RTN1: variants seen among roughly 807,000 people sequenced by gnomAD.
RTN1 encodes reticulon-1.
Under a neutral mutation model 65.5 loss-of-function variants are expected in RTN1, and 25 were observed. That is an observed-to-expected ratio of 0.38 (90% confidence interval 0.28 to 0.53). The LOEUF is 0.53. RTN1 is among the 20% of genes least tolerant of loss of function. The pLI is 0.79. For missense variants in RTN1, 983 were observed against 1,025.4 expected, an observed-to-expected ratio of 0.96 and a Z score of 0.57; for synonymous variants, 471 against 447.6, an observed-to-expected ratio of 1.05 and a Z score of -0.66.
chr14:59,762,747 T>C (rs1270862121), intron 1 of RTN1, among the ~76,000 whole-genome samples: 1 of 152,204 alleles, frequency 6.6e-6, no homozygotes, highest in Non-Finnish European at 1.5e-5. Context: ...TGTTAAGGGA[T>C]TGTGTCAAGA....
chr14:59,747,330 C>A (rs1885248295), intron 1 of RTN1, among the ~76,000 whole-genome samples: 1 of 152,240 alleles, frequency 6.6e-6, no homozygotes, highest in Non-Finnish European at 1.5e-5. Flanking sequence ...TGGGCATAGG[C>A]CAGGTGCAGT....
intron 1 of RTN1, among the ~76,000 whole-genome samples, chr14:59,838,524 C>T (rs533591137): frequency 1.2e-3 from 184 of 152,112 alleles, no homozygotes; most frequent in African/African-American, 4.3e-3. Context: ...GAATACTAGG[C>T]AGACTTTAAA....
intron 1 of RTN1, among the ~76,000 whole-genome samples, chr14:59,831,505 T>C (rs2139641582): frequency 6.6e-6 from 1 of 152,242 alleles, no homozygotes; most frequent in African/African-American, 2.4e-5. Context: ...GGTCTTCAGG[T>C]TTTGCCGACT....
chr14:59,699,138 G>C (rs1884126246), intron 3 of RTN1, among the ~76,000 whole-genome samples: 1 of 152,080 alleles, frequency 6.6e-6, no homozygotes, highest in South Asian at 2.1e-4. Flanking sequence ...TATCATCATG[G>C]TTAATATGAA....
At chr14:59,667,197 G>A (rs1414659710) in intron 3 of RTN1, among the ~76,000 whole-genome samples, 1 of 152,110 alleles carries the variant, frequency 6.6e-6, no homozygotes, top group Non-Finnish European at 1.5e-5. Context: ...GAACATCAAT[G>A]TGAAAATCCT....
intron 1 of RTN1, among the ~76,000 whole-genome samples, chr14:59,811,779 C>A (rs2139613787): frequency 1.3e-5 from 2 of 152,302 alleles, no homozygotes; most frequent in East Asian, 3.9e-4. Context: ...TTGCTAGTAT[C>A]TGTTTTAGTG....
intron 1 of RTN1, among the ~76,000 whole-genome samples, chr14:59,830,143 T>C (rs1181487389): frequency 6.6e-6 from 1 of 152,206 alleles, no homozygotes; most frequent in Non-Finnish European, 1.5e-5. Context: ...AGCAGCACCC[T>C]GCTGTTACAA....
At chr14:59,705,200 G>A (rs939334243) in intron 3 of RTN1, among the ~76,000 whole-genome samples, 4 of 152,210 alleles carry the variant, frequency 2.6e-5, no homozygotes, top group Middle Eastern at 3.4e-3. Flanking sequence ...ACAAGCACAC[G>A]GAAGTCTATG....
intron 3 of RTN1, among the ~76,000 whole-genome samples, chr14:59,664,173 T>C (rs1883312318): frequency 6.6e-6 from 1 of 152,196 alleles, no homozygotes; most frequent in South Asian, 2.1e-4. Context: ...TGCAGGGACA[T>C]GGATGAAGCT....
chr14:59,780,647 CT>C (rs139018684), intron 1 of RTN1, among the ~76,000 whole-genome samples: 3,409 of 151,954 alleles, frequency 0.022, 139 homozygotes, highest in African/African-American at 0.078. Context: ...TTTTGTTTTT[CT>C]TTTTTTTCCA....
intron 3 of RTN1, among the ~76,000 whole-genome samples, chr14:59,615,436 T>C (rs1318632674): frequency 1.3e-5 from 2 of 151,504 alleles, no homozygotes; most frequent in African/African-American, 4.9e-5. Flanking sequence ...ACAACAAGAG[T>C]GAAACTCCAT....
At chr14:59,811,963 G>T (rs568241543) in intron 1 of RTN1, among the ~76,000 whole-genome samples, 1 of 152,256 alleles carries the variant, frequency 6.6e-6, no homozygotes. Flanking sequence ...TAGGAAGGAG[G>T]AAAGGAGGGA....
intron 3 of RTN1, among the ~76,000 whole-genome samples, chr14:59,665,009 C>G (rs1883336823): frequency 6.6e-6 from 1 of 152,116 alleles, no homozygotes; most frequent in Non-Finnish European, 1.5e-5. Context: ...AGTGTTGCCA[C>G]TGCTTATGAC....
intron 1 of RTN1, among the ~76,000 whole-genome samples, chr14:59,853,570 C>T (rs1247300071): frequency 6.6e-6 from 1 of 152,172 alleles, no homozygotes; most frequent in East Asian, 1.9e-4. Flanking sequence ...GCACCCAGAA[C>T]TCTGCCCAGA....
rs188990049 is a variant in RTN1, at chr14:59,613,163, A to G, written c.1766-5671T>C. Among the ~76,000 whole-genome samples, 27 of 152,362 alleles carry G rather than the reference A, an allele frequency of 1.8e-4. No homozygotes were observed. In the East Asian group the frequency reaches 5.2e-3, roughly 29 times the overall value. On this transcript the variant is annotated intron_variant, in intron 3 of 8. Transcript: ENST00000267484. Reference sequence around the variant, plus strand: ...GCACCTAGGAGGTTACCTTTGGTAAAGTTCAGAAAGTAAAAATATTGGCCA... The same window carrying G: ...GCACCTAGGAGGTTACCTTTGGTAAGGTTCAGAAAGTAAAAATATTGGCCA...
intron 3 of RTN1, among the ~76,000 whole-genome samples, chr14:59,688,420 C>T (rs1883891742): frequency 1.3e-5 from 2 of 152,216 alleles, no homozygotes; most frequent in Admixed American, 1.3e-4. Context: ...GGTGCTCGTG[C>T]ATGCCATCAG....
At chr14:59,812,618 G>A (rs1007411862) in intron 1 of RTN1, among the ~76,000 whole-genome samples, 1 of 152,152 alleles carries the variant, frequency 6.6e-6, no homozygotes, top group Non-Finnish European at 1.5e-5. Context: ...TGTGCCTTGT[G>A]TATTCCCATG....
chr14:59,771,163 G>A (rs945703495), intron 1 of RTN1, among the ~76,000 whole-genome samples: 3 of 152,064 alleles, frequency 2.0e-5, no homozygotes, highest in African/African-American at 7.2e-5. Context: ...AGCCATGATG[G>A]ACTTGTGAGG....
chr14:59,829,706 G>A lies in RTN1; in HGVS notation c.241+40684C>T, dbSNP rs969588374. Reference sequence around the variant, plus strand: ...TCACACAGGGAGCAGGCAGAGGGAGGCCCCACTCCTGTGCTTCCACAAAGC... The same window carrying A: ...TCACACAGGGAGCAGGCAGAGGGAGACCCCACTCCTGTGCTTCCACAAAGC... On this transcript the variant is annotated intron_variant, in intron 1 of 8. Transcript: ENST00000267484. The surrounding 1 kb of genome is among the most constrained non-coding windows in gnomAD (Gnocchi z 4.3). 6.6e-6 allele frequency among the ~76,000 whole-genome samples: 1 copy of A among 152,190 alleles called. No homozygotes were observed. The highest frequency in any genetic ancestry group is 1.5e-5 in the Non-Finnish European group (1 of 68,026).
Sources: allele counts gnomAD v4.1 joint callset (sites outside exome capture counted in the v4.1 genomes callset), GRCh38; gene constraint gnomAD v4.1.1; non-coding constraint Gnocchi (gnomAD v3.1); transcripts MANE v1.5; gene names NCBI Gene and HGNC (gene_info 2026-07-23, HGNC 2026-07-21).